DRC8: variants seen among roughly 807,000 people sequenced by gnomAD.
DRC8 encodes dynein regulatory complex subunit 8, also known as dynein regulatory complex protein 8.
At chr1:244,982,764 G>A in the DRC8 span, among the ~76,000 whole-genome samples, 3,418 of 151,970 alleles carry the variant, frequency 0.022, 140 homozygotes, top group African/African-American at 0.078. Flanking sequence ...AGAAGGAAAA[G>A]AAAGAATAGA....
At chr1:245,102,174 A>G in the DRC8 span, among the ~76,000 whole-genome samples, 1 of 152,146 alleles carries the variant, frequency 6.6e-6, no homozygotes, top group Non-Finnish European at 1.5e-5. Context: ...GCAGCCTAAT[A>G]TCTCCTGATT....
the DRC8 span, among the ~76,000 whole-genome samples, chr1:245,099,291 G>A: frequency 6.6e-6 from 1 of 152,304 alleles, no homozygotes; most frequent in East Asian, 1.9e-4. Flanking sequence ...TCTCAAGGGG[G>A]GGCTTTTTCA....
chr1:245,113,453 C>T, the DRC8 span, among the ~76,000 whole-genome samples: 7 of 152,218 alleles, frequency 4.6e-5, no homozygotes, highest in African/African-American at 9.6e-5. Context: ...TTAGAAGGCC[C>T]GCTGTGTGCT....
the DRC8 span, among the ~76,000 whole-genome samples, chr1:245,023,328 C>T: frequency 6.6e-6 from 1 of 152,170 alleles, no homozygotes; most frequent in African/African-American, 2.4e-5. Flanking sequence ...AATAATGCTG[C>T]TATGAATACT....
chr1:245,098,811 G>A, the DRC8 span, among the ~76,000 whole-genome samples: 2 of 152,288 alleles, frequency 1.3e-5, no homozygotes, highest in South Asian at 4.1e-4. Flanking sequence ...TCAAGGCCGG[G>A]CCTGACTGCC....
chr1:245,033,240 G>A, the DRC8 span, among the ~76,000 whole-genome samples: 4 of 152,286 alleles, frequency 2.6e-5, no homozygotes, highest in Admixed American at 2.6e-4. Context: ...GTCTCCACAG[G>A]TGCCGGTGTG....
chr1:245,038,992 A>G, the DRC8 span, among the ~76,000 whole-genome samples: 1 of 150,634 alleles, frequency 6.6e-6, no homozygotes, highest in Admixed American at 6.7e-5. Flanking sequence ...TAACTCTTTT[A>G]AAAATATTTG....
chr1:245,067,366 C>G, the DRC8 span, among the ~76,000 whole-genome samples: 3 of 152,214 alleles, frequency 2.0e-5, no homozygotes, highest in Admixed American at 2.0e-4. Context: ...TGAGGAAACC[C>G]ATAAACAAAT....
chr1:245,121,005 C>T, the DRC8 span, among the ~76,000 whole-genome samples: 134,355 of 152,286 alleles, frequency 0.88, 59,661 homozygotes, highest in East Asian at 1. Flanking sequence ...TAGACTTCTA[C>T]TTTTAAAATA....
At chr1:244,979,249 T>C in the DRC8 span, among the ~76,000 whole-genome samples, 14 of 151,308 alleles carry the variant, frequency 9.3e-5, no homozygotes, top group African/African-American at 3.2e-4. Flanking sequence ...TTGCTGAATG[T>C]TGAATCAAAG....
the DRC8 span, among the ~76,000 whole-genome samples, chr1:245,017,679 A>C: frequency 6.6e-6 from 1 of 152,216 alleles, no homozygotes; most frequent in Non-Finnish European, 1.5e-5. Context: ...TGTAAAACAC[A>C]TAAATATGTA....
the DRC8 span, among the ~76,000 whole-genome samples, chr1:245,075,075 C>G: frequency 6.6e-6 from 1 of 152,132 alleles, no homozygotes; most frequent in East Asian, 1.9e-4. Flanking sequence ...AGTTTATTGA[C>G]TGATTGTTAT....
At chr1:245,052,239 G>C in the DRC8 span, among the ~76,000 whole-genome samples, 2 of 152,174 alleles carry the variant, frequency 1.3e-5, no homozygotes, top group Non-Finnish European at 2.9e-5. Flanking sequence ...CATAGGCCAC[G>C]CTTTTTTATT....
the DRC8 span, among the ~76,000 whole-genome samples, chr1:245,049,329 A>G: frequency 1.3e-5 from 2 of 152,204 alleles, no homozygotes; most frequent in Non-Finnish European, 2.9e-5. The surrounding 1 kb of genome is among the most constrained non-coding windows in gnomAD (Gnocchi z 4.5). Context: ...TACATAAGCC[A>G]CAGTGTCTGT....
At chr1:244,978,396 G>A in the DRC8 span, among the ~76,000 whole-genome samples, 2 of 151,898 alleles carry the variant, frequency 1.3e-5, no homozygotes, top group African/African-American at 2.4e-5. Flanking sequence ...GGGAGGCTGA[G>A]GTAGGAGAAT....
the DRC8 span, among the ~76,000 whole-genome samples, chr1:245,023,370 T>C: frequency 6.6e-6 from 1 of 152,248 alleles, no homozygotes; most frequent in Non-Finnish European, 1.5e-5. Context: ...GTCTCTGCTT[T>C]TAATTCTTTT....
chr1:245,071,786 TAAC>T, the DRC8 span, among the ~76,000 whole-genome samples: 1 of 152,346 alleles, frequency 6.6e-6, no homozygotes, highest in African/African-American at 2.4e-5. Context: ...CGGTTGTTTG[TAAC>T]AACAACTGGA....
the DRC8 span, among the ~76,000 whole-genome samples, chr1:245,021,849 T>C: frequency 6.6e-6 from 1 of 152,044 alleles, no homozygotes; most frequent in African/African-American, 2.4e-5. Flanking sequence ...AAAATACATA[T>C]TTTGTTTTAG....
At chr1:245,096,506 G>A in the DRC8 span, among the ~76,000 whole-genome samples, 1 of 152,234 alleles carries the variant, frequency 6.6e-6, no homozygotes. Flanking sequence ...ATGCCAAAAT[G>A]AGTATGAAAC....
Sources: allele counts gnomAD v4.1 joint callset (sites outside exome capture counted in the v4.1 genomes callset), GRCh38; gene constraint gnomAD v4.1.1; non-coding constraint Gnocchi (gnomAD v3.1); transcripts MANE v1.5; gene names NCBI Gene and HGNC (gene_info 2026-07-23, HGNC 2026-07-21).